PLD5: variants seen among roughly 807,000 people sequenced by gnomAD.
PLD5 encodes the protein phospholipase D family member 5, also known as inactive phospholipase D5.
Under a neutral mutation model 61.1 loss-of-function variants are expected in PLD5, and 36 were observed. The ratio of observed to expected loss-of-function variants is 0.59; its 90% CI spans 0.45 to 0.78. PLD5 has a LOEUF of 0.78. Among genes scored for constraint, PLD5 ranks in the 30% least tolerant of loss-of-function variants. PLD5 has a pLI of 0.00. For missense variants in PLD5, 515 were observed against 644.4 expected (o/e 0.80, Z 2.17); for synonymous variants, 243 against 242.8 (o/e 1.00, Z -0.01).
intron 9 of PLD5, among the ~76,000 whole-genome samples, chr1:242,090,629 G>A (rs1471354315): frequency 1.3e-5 from 2 of 152,182 alleles, no homozygotes; most frequent in Non-Finnish European, 2.9e-5. Context: ...CCCAGGATCC[G>A]GCCCCTTGGC....
chr1:242,480,903 G>T (rs997020827), intron 1 of PLD5, among the ~76,000 whole-genome samples: 4 of 152,170 alleles, frequency 2.6e-5, no homozygotes, highest in African/African-American at 9.7e-5. Context: ...TAATACTGGG[G>T]AGTGTAAAAT....
At position 242,256,747 on chromosome 1, in the gene PLD5, C is replaced by CT. The variant is rs1347555057; in HGVS notation, c.607+8589_607+8590insA. Among the ~76,000 whole-genome samples, 1 of 148,222 alleles carries CT rather than the reference C, an allele frequency of 6.7e-6. No homozygotes were observed. Among genetic ancestry groups the CT allele is most frequent in the South Asian group, 2.2e-4 (1 of 4,504 alleles). On this transcript the variant is annotated intron_variant, in intron 4 of 9. Coordinates refer to ENST00000536534, the MANE Select transcript of PLD5 (RefSeq NM_001372062.1). The surrounding 1 kb of genome is among the most constrained non-coding windows in gnomAD (Gnocchi z 5.7). Reference sequence around the variant, plus strand: ...AGCAGCACAAATGAACTAAGACTATCATCTATCTATCTATCTATCTATCTA... The same window carrying CT: ...AGCAGCACAAATGAACTAAGACTATCTATCTATCTATCTATCTATCTATCTA...
intron 1 of PLD5, among the ~76,000 whole-genome samples, chr1:242,494,673 C>G (rs147215389): frequency 9.9e-5 from 15 of 152,284 alleles, no homozygotes; most frequent in African/African-American, 3.6e-4. Context: ...TGACCACAAA[C>G]TGTCCCAAAC....
chr1:242,328,454 A>G (rs991054268), intron 2 of PLD5, among the ~76,000 whole-genome samples: 3 of 152,126 alleles, frequency 2.0e-5, no homozygotes, highest in African/African-American at 7.2e-5. Context: ...TGTGTTGTAC[A>G]TGTGTGTTCT....
intron 1 of PLD5, among the ~76,000 whole-genome samples, chr1:242,415,283 G>T (rs764444217): frequency 6.6e-6 from 1 of 152,082 alleles, no homozygotes; most frequent in Non-Finnish European, 1.5e-5. Flanking sequence ...TGGTTAGAAA[G>T]ATATATCTGA....
rs577254192 is a variant in PLD5 at position 242,488,451 on chromosome 1, T to C, written c.189+35637A>G. Among the ~76,000 whole-genome samples, 4 of 152,300 alleles carry C rather than the reference T, an allele frequency of 2.6e-5. No individual in the cohort carries two copies. The South Asian group carries it at 8.3e-4, about 32-fold the overall frequency. On this transcript the variant is annotated intron_variant, in intron 1 of 9. Coordinates refer to ENST00000536534, the MANE Select transcript of PLD5 (RefSeq NM_001372062.1). ...TATCATGACATGGAGACACCTTAAA[T>C]GCATATTGCTAAGTGAAAGAATCCA...
rs1447908048 is a variant in PLD5 at position 242,256,195 on chromosome 1, G to A, written c.607+9142C>T. Among the ~76,000 whole-genome samples, 2 of 152,228 alleles carry A rather than the reference G, an allele frequency of 1.3e-5. No homozygotes were observed. Among genetic ancestry groups the A allele is most frequent in the Admixed American group, 6.5e-5 (1 of 15,288 alleles). On this transcript the variant is annotated intron_variant, in intron 4 of 9. Transcript: ENST00000536534. This position sits in a 1 kb window ranked among gnomAD's most constrained non-coding sequence, Gnocchi z 5.7. ...TCACAAGGGGAGCAGATGAGTGGAT[G>A]CAGAGGGCTGAGCACTGTCACTGTG...
chr1:242,324,110 T>G (rs1200932827), intron 2 of PLD5, among the ~76,000 whole-genome samples: 1 of 151,764 alleles, frequency 6.6e-6, no homozygotes, highest in Non-Finnish European at 1.5e-5. Flanking sequence ...ATTTCAGTTT[T>G]ACTCTCCCCT....
At chr1:242,390,139 G>A (rs1370345189) in intron 1 of PLD5, among the ~76,000 whole-genome samples, 1 of 151,732 alleles carries the variant, frequency 6.6e-6, no homozygotes, top group African/African-American at 2.4e-5. Context: ...GCTCACTGCA[G>A]TCTCTGCCTC....
chr1:242,154,037 G>A (rs1665148988), intron 5 of PLD5, among the ~76,000 whole-genome samples: 1 of 152,090 alleles, frequency 6.6e-6, no homozygotes, highest in African/African-American at 2.4e-5. Context: ...GCAGTGGTTT[G>A]TAGTTCTCCT....
At chr1:242,333,688 T>C (rs1334534255) in intron 2 of PLD5, among the ~76,000 whole-genome samples, 1 of 152,178 alleles carries the variant, frequency 6.6e-6, no homozygotes, top group African/African-American at 2.4e-5. Flanking sequence ...TAACCACCAA[T>C]CTACTGCATA....
At chr1:242,194,618 G>C (rs316831) in intron 5 of PLD5, among the ~76,000 whole-genome samples, 19,675 of 101,652 alleles carry the variant, frequency 0.19, 1,544 homozygotes, top group African/African-American at 0.25. Context: ...ATCTATCTAT[G>C]TATCTATCTA....
At chr1:242,390,947 C>T (rs1437296282) in intron 1 of PLD5, among the ~76,000 whole-genome samples, 1 of 152,110 alleles carries the variant, frequency 6.6e-6, no homozygotes, top group African/African-American at 2.4e-5. Context: ...AATCCCAGCA[C>T]TTTGGGAGGC....
At chr1:242,475,810 AAG>A (rs1352769266) in intron 1 of PLD5, among the ~76,000 whole-genome samples, 2 of 152,120 alleles carry the variant, frequency 1.3e-5, no homozygotes, top group Non-Finnish European at 2.9e-5. Context: ...TGAGAAGAGG[AAG>A]AGAGTCTAGA....
intron 1 of PLD5, among the ~76,000 whole-genome samples, chr1:242,394,886 G>GTA (rs200014477): frequency 4.4e-4 from 42 of 94,834 alleles, no homozygotes; most frequent in African/African-American, 1.5e-3. Flanking sequence ...ATGAATATAT[G>GTA]TATATATATG....
chr1:242,382,031 G>A (rs1157343777), intron 1 of PLD5, among the ~76,000 whole-genome samples: 4 of 151,742 alleles, frequency 2.6e-5, no homozygotes, highest in African/African-American at 7.3e-5. Context: ...AGAGGTAGCC[G>A]ACGCATTGGC....
chr1:242,133,042 G>T (rs1336668801), intron 5 of PLD5, among the ~76,000 whole-genome samples: 1 of 44,150 alleles, frequency 2.3e-5, no homozygotes, highest in Non-Finnish European at 4.4e-5. Context: ...CCCGCACACC[G>T]CCCACACCCC....
intron 2 of PLD5, among the ~76,000 whole-genome samples, chr1:242,303,120 C>T (rs578157083): frequency 6.6e-6 from 1 of 152,296 alleles, no homozygotes; most frequent in South Asian, 2.1e-4. Context: ...AGAAAATGAT[C>T]ATGAGGGAGG....
At chr1:242,286,700 T>C (rs1250272753) in intron 3 of PLD5, among the ~76,000 whole-genome samples, 5 of 152,210 alleles carry the variant, frequency 3.3e-5, no homozygotes, top group Non-Finnish European at 7.3e-5. Context: ...TTCTTTGGAC[T>C]TCGCTCTCTT....
Sources: allele counts gnomAD v4.1 joint callset (sites outside exome capture counted in the v4.1 genomes callset), GRCh38; gene constraint gnomAD v4.1.1; non-coding constraint Gnocchi (gnomAD v3.1); transcripts MANE v1.5; gene names NCBI Gene and HGNC (gene_info 2026-07-23, HGNC 2026-07-21).